The following C14orf39 variants were observed in gnomAD, a reference collection of about 807,000 sequenced individuals.
C14orf39 encodes the protein protein SIX6OS1.
C14orf39 carries 66 observed loss-of-function variants against 85.6 expected under a neutral mutation model. That is an observed-to-expected ratio of 0.77 (90% confidence interval 0.63 to 0.95). C14orf39 has a LOEUF of 0.95. Among genes scored for constraint, C14orf39 ranks in the 40% least tolerant of loss-of-function variants. The pLI, the probability that C14orf39 is intolerant of heterozygous loss-of-function variation, is 0.00. For missense variants in C14orf39, 735 were observed against 663.9 expected (o/e 1.11, Z -1.18); for synonymous variants, 242 against 214.0 (o/e 1.13, Z -1.14).
intron 1 of C14orf39, among the ~76,000 whole-genome samples, chr14:60,501,416 G>C (rs1387690042): frequency 6.6e-6 from 1 of 151,936 alleles, no homozygotes; most frequent in Non-Finnish European, 1.5e-5. Context: ...CAAAGAAGGA[G>C]GCAGAGATTG....
At chr14:60,438,611 G>T (rs1890365588) in intron 17 of C14orf39, among the ~76,000 whole-genome samples, 1 of 152,026 alleles carries the variant, frequency 6.6e-6, no homozygotes, top group African/African-American at 2.4e-5. Context: ...CTGTGATCTA[G>T]AGGAGATTTT....
chr14:60,463,532 C>T (rs990199237), intron 11 of C14orf39, among the ~76,000 whole-genome samples: 4 of 152,020 alleles, frequency 2.6e-5, no homozygotes, highest in Admixed American at 1.3e-4. Flanking sequence ...ATAATGGTTA[C>T]ACAACCTTAT....
intron 11 of C14orf39, among the ~76,000 whole-genome samples, chr14:60,462,693 CCTGCAGG>C (rs747155034): frequency 2.0e-5 from 3 of 152,142 alleles, no homozygotes; most frequent in African/African-American, 4.8e-5. Flanking sequence ...CAACCCACGG[CCTGCAGG>C]CTGCATGCAG....
At chr14:60,473,597 A>T (rs553542529) in intron 5 of C14orf39, among the ~76,000 whole-genome samples, 1 of 152,166 alleles carries the variant, frequency 6.6e-6, no homozygotes. Context: ...TAAGGAAGGG[A>T]TCCAGTTTCA....
At chr14:60,507,825 G>T (rs371215057) in intron 1 of C14orf39, among the ~76,000 whole-genome samples, 1 of 152,158 alleles carries the variant, frequency 6.6e-6, no homozygotes, top group Non-Finnish European at 1.5e-5. Flanking sequence ...CCTGATTTCT[G>T]TCTAGGGATG....
At chr14:60,457,516 C>CT (rs921357246) in intron 14 of C14orf39, among the ~76,000 whole-genome samples, 8 of 151,842 alleles carry the variant, frequency 5.3e-5, no homozygotes, top group Non-Finnish European at 1.0e-4. Flanking sequence ...CATTTTCACA[C>CT]TTTTTTTGAC....
chr14:60,511,290 TA>T, intron 1 of C14orf39: 1 of 1,606,808 alleles, frequency 6.2e-7, no homozygotes, highest in Non-Finnish European at 8.5e-7. Context: ...GATTCCAGTG[TA>T]AAAACGAGAA....
chr14:60,503,961 A>C (rs1209168023), intron 1 of C14orf39, among the ~76,000 whole-genome samples: 4 of 152,198 alleles, frequency 2.6e-5, no homozygotes, highest in Non-Finnish European at 5.9e-5. Context: ...AAGGTTTCTT[A>C]ACAGCAGTGT....
At chr14:60,483,554 A>T in intron 4 of C14orf39, 137 bp downstream of exon 4, 1 of 639,948 alleles carries the variant, frequency 1.6e-6, no homozygotes, top group East Asian at 3.2e-5. Context: ...CCCTTTACAT[A>T]GTGGCATAAC....
At chr14:60,488,276 T>C (rs1892935694), upstream of C14orf39, among the ~76,000 whole-genome samples, 1 of 152,128 alleles carries the variant, frequency 6.6e-6, no homozygotes, top group Admixed American at 6.5e-5. Context: ...CATATCCTAA[T>C]TACCCTCATA....
intron 1 of C14orf39, among the ~76,000 whole-genome samples, chr14:60,504,038 T>A (rs1465146684): frequency 6.6e-6 from 1 of 152,162 alleles, no homozygotes; most frequent in African/African-American, 2.4e-5. Flanking sequence ...TTTAGCAGCA[T>A]CTCTGGCCTG....
chr14:60,445,344 A>T (rs1357233473), intron 16 of C14orf39, among the ~76,000 whole-genome samples: 1 of 152,234 alleles, frequency 6.6e-6, no homozygotes, highest in African/African-American at 2.4e-5. Context: ...AGACACACAT[A>T]GGCTCAAAAC....
chr14:60,491,729 G>C lies in C14orf39; in HGVS notation c.-8-6643C>G, dbSNP rs2140175115. 6.6e-6 allele frequency among the ~76,000 whole-genome samples: 1 copy of C among 152,104 alleles called. No homozygotes were observed. The highest frequency in any genetic ancestry group is 2.1e-4 in the South Asian group (1 of 4,814). ...TTGTACTAACTTCCAAACTGGTTTT[G>C]CCACATATCTACTCTAGCCCTCTTG... On this transcript the variant is annotated intron_variant, in intron 2 of 5. Transcript: ENST00000556799. The surrounding 1 kb of genome is among the most constrained non-coding windows in gnomAD (Gnocchi z 4.5).
Position 60,515,232 on chromosome 14 carries a change from C to G in C14orf39, c.-144+163G>C, listed in dbSNP as rs1893348951. 6.6e-6 allele frequency: 1 copy of G among 151,586 alleles called. No individual in the cohort carries two copies. Among genetic ancestry groups the G allele is most frequent in the Admixed American group, 6.5e-5 (1 of 15,276 alleles). 9.4% of individuals were successfully genotyped at this position (151,586 alleles called of 1,614,324 possible). On this transcript the variant is annotated intron_variant, in intron 1 of 5. Transcript: ENST00000556799. This position sits in a 1 kb window ranked among gnomAD's most constrained non-coding sequence, Gnocchi z 6.2. ...GCTGGAGCGGCGGGCGCGTGGGTCC[C>G]CTCGGGGAGGCGCCCCAAGCCACGG...
chr14:60,456,561 T>C (rs1008869802), intron 15 of C14orf39, among the ~76,000 whole-genome samples: 2 of 151,966 alleles, frequency 1.3e-5, no homozygotes, highest in Non-Finnish European at 2.9e-5. Flanking sequence ...AGGCTTAGCT[T>C]GACATTTTAA....
At chr14:60,450,619 G>A (rs1413316265) in intron 16 of C14orf39, among the ~76,000 whole-genome samples, 2 of 152,202 alleles carry the variant, frequency 1.3e-5, no homozygotes, top group East Asian at 3.9e-4. Context: ...CACAAATCTG[G>A]CTGGCTTCAC....
intron 16 of C14orf39, among the ~76,000 whole-genome samples, chr14:60,452,831 C>T (rs1424879053): frequency 6.6e-6 from 1 of 152,018 alleles, no homozygotes; most frequent in Non-Finnish European, 1.5e-5. Flanking sequence ...TGATTTATCT[C>T]ATGATTTCTT....
At chr14:60,467,439 A>G (rs1405505564) in intron 9 of C14orf39, among the ~76,000 whole-genome samples, 1 of 151,894 alleles carries the variant, frequency 6.6e-6, no homozygotes, top group Non-Finnish European at 1.5e-5. Context: ...GAATACAGAA[A>G]TTGTTAAAAC....
chr14:60,436,839 A>G lies in C14orf39; in HGVS notation c.*6T>C. 1 of 1,574,254 alleles carries G rather than the reference A, an allele frequency of 6.4e-7. No homozygotes were observed. The highest frequency in any genetic ancestry group is 8.7e-7 in the Non-Finnish European group (1 of 1,149,364). On this transcript the variant is annotated 3_prime_UTR_variant, in exon 18 of 18. Coordinates refer to ENST00000321731, the MANE Select transcript of C14orf39 (RefSeq NM_174978.3). ...AGTAAAATAATTTAAGGAATTAATG[A>G]CTAGCTCAAAAAAAAGTAAACTGTG...
Sources: gnomAD v4.1 joint callset for allele counts (sites outside exome capture counted in the v4.1 genomes callset) on GRCh38, gnomAD v4.1.1 for gene constraint, Gnocchi (gnomAD v3.1) non-coding constraint, MANE v1.5 for transcripts, NCBI Gene and HGNC (gene_info 2026-07-23, HGNC 2026-07-21) for gene names.